Variants in RBFOX1 observed in about 807,000 individuals in gnomAD.
RBFOX1 encodes RNA binding fox-1 homolog 1.
In RBFOX1, 8 loss-of-function variants were observed where a neutral mutation model predicts 57.7. The observed-to-expected ratio is 0.14, with a 90% CI of 0.08 to 0.25. The LOEUF is 0.25. Ranked by LOEUF, RBFOX1 falls within the 10% of genes least tolerant of loss-of-function variation. The pLI is 1.00. For synonymous variants in RBFOX1, 326 were observed against 222.4 expected, an observed-to-expected ratio of 1.47 and a Z score of -4.15; for missense variants, 611 against 548.5, an observed-to-expected ratio of 1.11 and a Z score of -1.14.
intron 3 of RBFOX1, among the ~76,000 whole-genome samples, chr16:6,795,802 G>T (rs570675138): frequency 2.6e-5 from 4 of 151,144 alleles, no homozygotes; most frequent in East Asian, 3.9e-4. Context: ...GATAGTCATC[G>T]TTGCTTTCTT....
intron 5 of RBFOX1, among the ~76,000 whole-genome samples, chr16:7,565,932 G>C (rs1010487407): frequency 2.6e-5 from 4 of 152,074 alleles, no homozygotes; most frequent in African/African-American, 9.7e-5. Context: ...TGGTGAATTT[G>C]GGGATGCTCG....
chr16:6,858,222 G>T (rs1303158409), intron 3 of RBFOX1, among the ~76,000 whole-genome samples: 1 of 152,182 alleles, frequency 6.6e-6, no homozygotes, highest in Non-Finnish European at 1.5e-5. Flanking sequence ...AACGAAGGTT[G>T]AATGGTTTTG....
chr16:5,698,569 T>TAAACAAAAATCTAAACAAAAAA lies in RBFOX1; in HGVS notation c.318+99608_318+99609insAAACAAAAATCTAAACAAAAAA, dbSNP rs370617897. Among the ~76,000 whole-genome samples the TAAACAAAAATCTAAACAAAAAA allele has an allele frequency of 6.9e-3, 1,057 of 152,320 alleles. 4 individuals carry two copies. Among genetic ancestry groups the TAAACAAAAATCTAAACAAAAAA allele is most frequent in the Non-Finnish European group, 0.011 (749 of 68,028 alleles). ...TAAAAATATATCTAAACAAAAATAC[T>TAAACAAAAATCTAAACAAAAAA]GTATGACCCAGCACTTCCACTCCTG... On this transcript the variant is annotated intron_variant, in intron 3 of 19. Coordinates refer to the RBFOX1 transcript ENST00000641259.
chr16:6,680,475 C>G (rs1042471653), intron 3 of RBFOX1, among the ~76,000 whole-genome samples: 1 of 151,940 alleles, frequency 6.6e-6, no homozygotes, highest in African/African-American at 2.4e-5. Flanking sequence ...ATGTTAGCCA[C>G]GATGGTCTCG....
rs542354598 is a variant in RBFOX1 at position 7,184,954 on chromosome 16, T to C, written c.27+132856T>C. ...AGTACGTTTGATACTTTACATATGT[T>C]ACCTCTCTCAAGCATTACAGTAAAC... On this transcript the variant is annotated intron_variant, in intron 4 of 15. Transcript: ENST00000550418. Among the ~76,000 whole-genome samples, 3 of 152,286 alleles carry C rather than the reference T, an allele frequency of 2.0e-5. No individual in the cohort carries two copies. In the East Asian group the frequency reaches 5.8e-4, roughly 29 times the overall value.
intron 3 of RBFOX1, among the ~76,000 whole-genome samples, chr16:6,715,219 C>T (rs1203394309): frequency 6.6e-6 from 1 of 151,910 alleles, no homozygotes; most frequent in East Asian, 1.9e-4. Context: ...GTCACACACA[C>T]AGAACAATGA....
At chr16:7,175,726 T>C (rs1423339946) in intron 4 of RBFOX1, among the ~76,000 whole-genome samples, 1 of 152,196 alleles carries the variant, frequency 6.6e-6, no homozygotes, top group East Asian at 1.9e-4. Context: ...AGCCACGCAG[T>C]AGTTGGTATT....
At chr16:6,043,437 C>CG (rs1442049735) in intron 1 of RBFOX1, among the ~76,000 whole-genome samples, 5 of 152,294 alleles carry the variant, frequency 3.3e-5, no homozygotes, top group African/African-American at 1.2e-4. Context: ...TGCTATCTGT[C>CG]ATGCGATGCT....
At chr16:5,313,635 G>C (rs1326249742) in intron 1 of RBFOX1, among the ~76,000 whole-genome samples, 1 of 152,118 alleles carries the variant, frequency 6.6e-6, no homozygotes, top group Non-Finnish European at 1.5e-5. Flanking sequence ...GAGGAGCAAG[G>C]CTATGTCTTA....
intron 2 of RBFOX1, among the ~76,000 whole-genome samples, chr16:6,450,810 TATATATAC>T (rs1567303312): frequency 1.0e-3 from 19 of 18,834 alleles, no homozygotes; most frequent in African/African-American, 6.1e-3. Flanking sequence ...TGTATATATA[TATATATAC>T]ATATATATAT....
At chr16:7,236,293 C>T (rs1364662013) in intron 4 of RBFOX1, among the ~76,000 whole-genome samples, 1 of 152,200 alleles carries the variant, frequency 6.6e-6, no homozygotes, top group African/African-American at 2.4e-5. Context: ...ATGTATTTAA[C>T]ACCATATTGT....
chr16:7,704,451 T>C (rs568579654), intron 14 of RBFOX1, among the ~76,000 whole-genome samples: 1 of 152,208 alleles, frequency 6.6e-6, no homozygotes, highest in Non-Finnish European at 1.5e-5. Flanking sequence ...CCTGAATGTG[T>C]CTGGGAGCAG....
intron 4 of RBFOX1, among the ~76,000 whole-genome samples, chr16:7,210,444 G>A (rs565359911): frequency 6.6e-6 from 1 of 152,076 alleles, no homozygotes; most frequent in Non-Finnish European, 1.5e-5. Context: ...CACTCACCAA[G>A]ATTTCTTAAG....
chr16:5,707,639 T>C (rs1048071521), intron 3 of RBFOX1, among the ~76,000 whole-genome samples: 1 of 152,198 alleles, frequency 6.6e-6, no homozygotes, highest in Non-Finnish European at 1.5e-5. Flanking sequence ...TGGCATCACG[T>C]GTGGCTATGA....
chr16:6,413,319 C>CAA (rs34475437), intron 2 of RBFOX1, among the ~76,000 whole-genome samples: 25 of 114,348 alleles, frequency 2.2e-4, no homozygotes, highest in African/African-American at 5.9e-4. Flanking sequence ...AACTACATCT[C>CAA]AAAAAAAAAA....
At chr16:7,098,511 C>T (rs1043718201) in intron 4 of RBFOX1, among the ~76,000 whole-genome samples, 3 of 152,164 alleles carry the variant, frequency 2.0e-5, no homozygotes, top group African/African-American at 7.2e-5. Context: ...TAAAATTAAG[C>T]CAAAGATAGC....
intron 1 of RBFOX1, among the ~76,000 whole-genome samples, chr16:5,437,698 C>G (rs1013613566): frequency 6.6e-6 from 1 of 152,098 alleles, no homozygotes; most frequent in African/African-American, 2.4e-5. Flanking sequence ...ACTATTTATG[C>G]CTACAAAAAA....
At chr16:6,478,559 C>A (rs1019198894) in intron 2 of RBFOX1, among the ~76,000 whole-genome samples, 5 of 150,548 alleles carry the variant, frequency 3.3e-5, no homozygotes, top group Non-Finnish European at 7.4e-5. Context: ...CAGGCGCTGT[C>A]CCAGCTTTAA....
chr16:5,977,842 C>T (rs2060095630), intron 4 of RBFOX1, among the ~76,000 whole-genome samples: 2 of 152,014 alleles, frequency 1.3e-5, no homozygotes, highest in Admixed American at 6.6e-5. Flanking sequence ...CTCAAAAAGC[C>T]TTTTTTGGCT....
Sources: allele counts gnomAD v4.1 joint callset (sites outside exome capture counted in the v4.1 genomes callset), GRCh38; gene constraint gnomAD v4.1.1; transcripts MANE v1.5; gene names NCBI Gene and HGNC (gene_info 2026-07-23, HGNC 2026-07-21).